The following RNFT2 variants were observed in gnomAD, a reference collection of about 807,000 sequenced individuals.
The protein encoded by RNFT2 is E3 ubiquitin-protein ligase RNFT2.
Under a neutral mutation model 53.0 loss-of-function variants are expected in RNFT2, and 36 were observed. The ratio of observed to expected loss-of-function variants is 0.68; its 90% CI spans 0.52 to 0.90. The LOEUF (loss-of-function observed/expected upper bound fraction) is 0.90. Ranked by LOEUF, RNFT2 falls within the 40% of genes least tolerant of loss-of-function variation. The probability of loss-of-function intolerance (pLI) is 0.00; values close to 1 mark genes in which losing one functional copy is unlikely to be tolerated. For missense variants in RNFT2, 514 were observed against 585.6 expected (o/e 0.88, Z 1.26); for synonymous variants, 260 against 253.2 (o/e 1.03, Z -0.26).
chr12:116,825,225 A>C (rs1876265344), intron 7 of RNFT2, among the ~76,000 whole-genome samples: 2 of 151,944 alleles, frequency 1.3e-5, no homozygotes, highest in African/African-American at 4.8e-5. Flanking sequence ...CTTCACTGGG[A>C]CTCTCCTTAT....
intron 6 of RNFT2, among the ~76,000 whole-genome samples, chr12:116,774,327 A>G (rs1199908663): frequency 6.6e-6 from 1 of 152,234 alleles, no homozygotes; most frequent in African/African-American, 2.4e-5. Context: ...CCACAATTAG[A>G]AAAAAAGATC....
chr12:116,740,380 T>C lies in RNFT2; in HGVS notation c.-118T>C. ...TCTGGCAAGCTCCCCTGACTGTGCA[T>C]CCCTCTGGAGACGAAGAGGAGGGGG... On this transcript the variant is annotated 5_prime_UTR_variant, in exon 2 of 11. Coordinates refer to ENST00000257575, the MANE Select transcript of RNFT2 (RefSeq NM_001382266.1). 1.0e-6 allele frequency: 1 copy of C among 977,100 alleles called. No individual in the cohort carries two copies. Among genetic ancestry groups the C allele is most frequent in the South Asian group, 1.4e-5 (1 of 71,406 alleles). 60.5% of individuals were successfully genotyped at this position (977,100 alleles called of 1,614,324 possible).
rs755648353 is a variant in RNFT2 at position 116,843,960 on chromosome 12, G to A, written c.1201-5354G>A. Among the ~76,000 whole-genome samples, 149 of 152,296 alleles carry A rather than the reference G, an allele frequency of 9.8e-4. 4 individuals carry two copies. The highest frequency in any genetic ancestry group is 3.4e-4 in the Non-Finnish European group (23 of 68,030). On this transcript the variant is annotated intron_variant, in intron 10 of 10. Transcript: ENST00000257575. ...ATAACAACATGGCTGCCCTCATGGCGTTTACCACCTAGAGGGCAGGGCAGA... is the reference window on the plus strand; with the variant it reads ...ATAACAACATGGCTGCCCTCATGGCATTTACCACCTAGAGGGCAGGGCAGA...
chr12:116,801,254 C>T (rs1208029077), intron 7 of RNFT2: 1 of 152,194 alleles, frequency 6.6e-6, no homozygotes, highest in Non-Finnish European at 1.5e-5. Flanking sequence ...TTTACTGGAA[C>T]AGAAGAGAAA....
chr12:116,789,995 G>C (rs913713566), intron 7 of RNFT2, among the ~76,000 whole-genome samples: 1 of 152,082 alleles, frequency 6.6e-6, no homozygotes, highest in Non-Finnish European at 1.5e-5. Context: ...TGGATGGATA[G>C]TCTAATCAGT....
rs542522756 is a variant in RNFT2 at position 116,836,315 on chromosome 12, C to G, written c.1200+33C>G. ...GGGCTCAGGCGGGACCATTGGAGAC[C>G]AAGGCTGGGGGAGAGTAGGACCCTT... On this transcript the variant is annotated intron_variant, in intron 10 of 10. Coordinates refer to ENST00000257575, the MANE Select transcript of RNFT2 (RefSeq NM_001382266.1). The G allele has an allele frequency of 7.6e-5, 116 of 1,528,058 alleles. No individual in the cohort carries two copies. In the South Asian group the frequency reaches 1.4e-3, roughly 18 times the overall value. 94.7% of individuals were successfully genotyped at this position (1,528,058 alleles called of 1,614,324 possible).
intron 6 of RNFT2, among the ~76,000 whole-genome samples, chr12:116,774,600 C>T (rs1873341830): frequency 1.3e-5 from 2 of 152,098 alleles, no homozygotes; most frequent in Non-Finnish European, 2.9e-5. Flanking sequence ...GGATGAAACT[C>T]AAGTCAGCCT....
At chr12:116,808,618 GT>G in intron 7 of RNFT2, among the ~76,000 whole-genome samples, 1 of 152,240 alleles carries the variant, frequency 6.6e-6, no homozygotes, top group Admixed American at 6.5e-5. Flanking sequence ...CCCCCAAGCT[GT>G]TGTTCCGCCA....
At position 116,850,210 on chromosome 12, in the gene RNFT2, G is replaced by A. The variant is rs1229130154; in HGVS notation, c.*762G>A. On this transcript the variant is annotated 3_prime_UTR_variant, in exon 11 of 11. Coordinates refer to ENST00000257575, the MANE Select transcript of RNFT2 (RefSeq NM_001382266.1). ...GGGTCTTCACCCAGGCTGGAGTGCA[G>A]TTGGCACAATCACAGCTCACTGCAA... is the stretch of plus-strand genomic sequence containing the variant. The A allele has an allele frequency of 7.0e-6, 1 of 143,208 alleles. No homozygotes were observed. Among genetic ancestry groups the A allele is most frequent in the Non-Finnish European group, 1.5e-5 (1 of 66,422 alleles). 8.9% of individuals were successfully genotyped at this position (143,208 alleles called of 1,614,324 possible). A position where few individuals can be genotyped will look rare whatever the true frequency, so the allele number is the denominator to read the frequency against.
At chr12:116,747,888 T>C (rs1374146119) in intron 3 of RNFT2, among the ~76,000 whole-genome samples, 2 of 152,054 alleles carry the variant, frequency 1.3e-5, no homozygotes, top group East Asian at 1.9e-4. Context: ...GTGATTCCAC[T>C]TGAAAAGAGG....
At chr12:116,770,648 C>T (rs1223608037) in intron 6 of RNFT2, among the ~76,000 whole-genome samples, 1 of 152,052 alleles carries the variant, frequency 6.6e-6, no homozygotes, top group African/African-American at 2.4e-5. Context: ...ACCTTGACCT[C>T]CCAGCCTCAA....
chr12:116,832,898 C>CTTTTTTTTTTT (rs71095601), intron 7 of RNFT2, among the ~76,000 whole-genome samples: 1 of 84,766 alleles, frequency 1.2e-5, no homozygotes, highest in Non-Finnish European at 2.1e-5. Context: ...AAGTCGTGTT[C>CTTTTTTTTTTT]TTTTTTTTTT....
intron 7 of RNFT2, among the ~76,000 whole-genome samples, chr12:116,832,148 A>AAATATATATATATATATATATATATATAT (rs1555209702): frequency 1.8e-5 from 1 of 55,176 alleles, no homozygotes; most frequent in African/African-American, 7.0e-5. Context: ...AAAAAAAAAA[A>AAATATATATATATATATATATATATATAT]ATATATATAT....
At chr12:116,845,237 C>T (rs1235756356) in intron 10 of RNFT2, among the ~76,000 whole-genome samples, 2 of 54,342 alleles carry the variant, frequency 3.7e-5, no homozygotes, top group Admixed American at 5.5e-4. Flanking sequence ...GAGCAAGACC[C>T]GGTTTCAAAA....
intron 7 of RNFT2, among the ~76,000 whole-genome samples, chr12:116,804,470 A>G (rs1013502314): frequency 3.3e-5 from 5 of 152,190 alleles, no homozygotes; most frequent in African/African-American, 1.2e-4. Context: ...TTTCAGCAAT[A>G]TGTAATATTC....
At chr12:116,846,437 A>ATTTTTTTTTTTTTTTTTTTTTTTT (rs35922781) in intron 10 of RNFT2, among the ~76,000 whole-genome samples, 1 of 104,396 alleles carries the variant, frequency 9.6e-6, no homozygotes, top group Non-Finnish European at 1.8e-5. Context: ...TGCCCAGCTA[A>ATTTTTTTTTTTTTTTTTTTTTTTT]TTTTTTTTTT....
chr12:116,786,952 C>A (rs1235674963), intron 7 of RNFT2, among the ~76,000 whole-genome samples: 3 of 151,250 alleles, frequency 2.0e-5, no homozygotes. Context: ...GTGAATGATG[C>A]CTCTCTCTGC....
chr12:116,820,791 T>C (rs1486629722), intron 7 of RNFT2, among the ~76,000 whole-genome samples: 1 of 152,116 alleles, frequency 6.6e-6, no homozygotes, highest in Non-Finnish European at 1.5e-5. Context: ...CTCTCTCTCC[T>C]CACCAGTTAA....
At chr12:116,760,615 C>T (rs971040973) in intron 5 of RNFT2, among the ~76,000 whole-genome samples, 1 of 152,186 alleles carries the variant, frequency 6.6e-6, no homozygotes, top group Non-Finnish European at 1.5e-5. Context: ...CAGCTTCCCC[C>T]GTGAGGGTGA....
Sources: allele counts gnomAD v4.1 joint callset (sites outside exome capture counted in the v4.1 genomes callset), GRCh38; gene constraint gnomAD v4.1.1; transcripts MANE v1.5; gene names NCBI Gene and HGNC (gene_info 2026-07-23, HGNC 2026-07-21).